The following EZH1 variants were observed in gnomAD, a reference collection of about 807,000 sequenced individuals.
EZH1 encodes the protein histone-lysine N-methyltransferase EZH1.
EZH1 carries 33 observed loss-of-function variants against 100.5 expected under a neutral mutation model. That is an observed-to-expected ratio of 0.33 (90% CI 0.25 to 0.44). The LOEUF (loss-of-function observed/expected upper bound fraction) is 0.44, where lower values mean the gene tolerates loss of function less well. Among genes scored for constraint, EZH1 ranks in the 20% least tolerant of loss-of-function variants. The probability of loss-of-function intolerance (pLI) is 1.00; values close to 1 mark genes in which losing one functional copy is unlikely to be tolerated. For synonymous variants in EZH1, 272 were observed against 313.8 expected (o/e 0.87, Z 1.41); for missense variants, 475 against 928.4 (o/e 0.51, Z 6.35).
chr17:42,741,066 C>G (rs1354420330), intron 1 of EZH1, among the ~76,000 whole-genome samples: 1 of 152,152 alleles, frequency 6.6e-6, no homozygotes, highest in Non-Finnish European at 1.5e-5. Flanking sequence ...CCCCTCAATC[C>G]CAACCTATCT....
chr17:42,708,764 A>C (rs765751600), intron 14 of EZH1, 112 bp downstream of exon 14: 4 of 1,146,912 alleles, frequency 3.5e-6, no homozygotes, highest in Non-Finnish European at 3.9e-6. Flanking sequence ...AGAATTCTGC[A>C]ATCTGCGGAA....
At chr17:42,743,496 C>T (rs1268876364) in intron 1 of EZH1, among the ~76,000 whole-genome samples, 4 of 148,596 alleles carry the variant, frequency 2.7e-5, no homozygotes, top group African/African-American at 1.0e-4. Flanking sequence ...GAGACAGGGT[C>T]TCAGGTGCTG....
Position 42,733,972 on chromosome 17 carries a change from G to A in EZH1, c.-102-3054C>T, listed in dbSNP as rs150297813. Among the ~76,000 whole-genome samples the A allele has an allele frequency of 7.5e-5, 11 of 146,924 alleles. 1 individual carries two copies. The East Asian group carries it at 1.4e-3, about 19-fold the overall frequency. On this transcript the variant is annotated intron_variant, in intron 1 of 20. Transcript: ENST00000428826. ...AAAAAAAAAAAAAAATCATCAGCAC[G>A]GACAAGAAAACAACAAAATTTAACC...
At chr17:42,704,273 T>C (rs879685574) in intron 18 of EZH1, among the ~76,000 whole-genome samples, 1 of 152,134 alleles carries the variant, frequency 6.6e-6, no homozygotes, top group Non-Finnish European at 1.5e-5. Flanking sequence ...GTGCGGTGGC[T>C]TACTCCTGTA....
intron 1 of EZH1, among the ~76,000 whole-genome samples, chr17:42,736,988 A>G (rs1473019054): frequency 6.9e-6 from 1 of 144,090 alleles, no homozygotes; most frequent in Non-Finnish European, 1.5e-5. Flanking sequence ...TAGCTTTACA[A>G]TTTTTTTTTT....
chr17:42,734,520 C>T (rs543726792), intron 1 of EZH1, among the ~76,000 whole-genome samples: 1 of 151,832 alleles, frequency 6.6e-6, no homozygotes, highest in South Asian at 2.1e-4. Flanking sequence ...AAAAATTACC[C>T]GGGCATGGTA....
At chr17:42,726,213 CT>C (rs1242560610) in intron 4 of EZH1, among the ~76,000 whole-genome samples, 156 of 88,524 alleles carry the variant, frequency 1.8e-3, no homozygotes, top group Middle Eastern at 0.011. Context: ...GAGACAGTCT[CT>C]TTTTTTTTTT....
chr17:42,741,475 G>C (rs935215992), intron 1 of EZH1, among the ~76,000 whole-genome samples: 6 of 152,296 alleles, frequency 3.9e-5, no homozygotes, highest in Admixed American at 1.3e-4. Flanking sequence ...CTCCCAAAGT[G>C]CTGGGATTAC....
intron 1 of EZH1, among the ~76,000 whole-genome samples, chr17:42,741,881 G>A (rs774962241): frequency 2.0e-5 from 3 of 151,766 alleles, no homozygotes; most frequent in Non-Finnish European, 4.4e-5. Context: ...TGTAGAGACA[G>A]AGTTTTGCCA....
rs1349278047 is a variant in EZH1 at position 42,727,732 on chromosome 17, T to C, written c.149A>G (p.Gln50Arg). The stretch of plus-strand genomic sequence containing the variant: ...TTCATTGAGGATCTGGGTTTTTTCT[T>C]GAACCTTTGCAAAATTTGCCACATA... ...ALYVANFAKV[Q>R]EKTQILNEEW... The change falls in exon 4 of 21, where the codon CAA (glutamine) becomes CGA (arginine). Residue 50 changes from glutamine to arginine, a missense_variant. Coordinates refer to ENST00000428826, the MANE Select transcript of EZH1 (RefSeq NM_001991.5). 1.2e-6 allele frequency: 2 copies of C among 1,605,688 alleles called. No homozygotes were observed. The highest frequency in any genetic ancestry group is 2.3e-5 in the East Asian group (1 of 44,172).
intron 2 of EZH1, 43 bp downstream of exon 2, chr17:42,730,785 C>G: frequency 8.5e-6 from 8 of 936,110 alleles, no homozygotes; most frequent in Non-Finnish European, 1.0e-5. Context: ...CGTGAGCCAC[C>G]GCGCCCGGCC....
intron 11 of EZH1, 148 bp from the exon 12 acceptor site, chr17:42,712,633 T>C: frequency 1.5e-5 from 12 of 826,570 alleles, no homozygotes; most frequent in Non-Finnish European, 5.5e-6. Context: ...CCAGGCATGG[T>C]GGCTCACGCC....
chr17:42,714,364 C>T, intron 10 of EZH1: 1 of 294,774 alleles, frequency 3.4e-6, no homozygotes, highest in Non-Finnish European at 6.8e-6. Context: ...ACTAGGCTGT[C>T]CTGAGCCCCT....
intron 1 of EZH1, 104 bp downstream of exon 1, chr17:42,744,907 C>G: frequency 8.4e-7 from 1 of 1,184,310 alleles, no homozygotes; most frequent in South Asian, 1.4e-5. Context: ...CCTCGGATTC[C>G]TTCCAATTTC....
intron 3 of EZH1, 149 bp downstream of exon 3, chr17:42,728,676 A>T: frequency 1.5e-6 from 1 of 666,288 alleles, no homozygotes; most frequent in Non-Finnish European, 2.3e-6. Context: ...TGCGAGGTGG[A>T]GCTTGCAGTA....
At chr17:42,726,909 G>T (rs1030797724) in intron 4 of EZH1, among the ~76,000 whole-genome samples, 1 of 151,908 alleles carries the variant, frequency 6.6e-6, no homozygotes, top group Admixed American at 6.6e-5. Context: ...GAGTGCAGTG[G>T]TGTGATCTTG....
intron 11 of EZH1, 126 bp downstream of exon 11, chr17:42,713,083 T>C (rs950667672): frequency 8.3e-6 from 7 of 843,264 alleles, no homozygotes; most frequent in African/African-American, 1.8e-5. Flanking sequence ...TCTTTACTGT[T>C]TACAAAACTT....
At chr17:42,711,226 C>T (rs1044873234) in intron 12 of EZH1, among the ~76,000 whole-genome samples, 9 of 151,724 alleles carry the variant, frequency 5.9e-5, no homozygotes, top group Non-Finnish European at 1.2e-4. Context: ...GTAATCCCAG[C>T]ACTTTGGGAG....
rs2053239386 is a variant in EZH1, at chr17:42,701,510, G to GA, written c.*1021dup. ...TCCAAACAGCAGGCACTACAGACAGGAAAGCAGATTACACCAATCTTTCTC... is the reference window on the plus strand; with the variant it reads ...TCCAAACAGCAGGCACTACAGACAGGAAAAGCAGATTACACCAATCTTTCTC... On this transcript the variant is annotated 3_prime_UTR_variant, in exon 21 of 21. Coordinates refer to ENST00000428826, the MANE Select transcript of EZH1 (RefSeq NM_001991.5). 6.5e-6 allele frequency: 1 copy of GA among 152,836 alleles called. No individual in the cohort carries two copies. Among genetic ancestry groups the GA allele is most frequent in the South Asian group, 2.1e-4 (1 of 4,832 alleles). 9.5% of individuals were successfully genotyped at this position (152,836 alleles called of 1,614,324 possible).
Sources: gnomAD v4.1 joint callset for allele counts (sites outside exome capture counted in the v4.1 genomes callset) on GRCh38, gnomAD v4.1.1 for gene constraint, MANE v1.5 for transcripts, NCBI Gene and HGNC (gene_info 2026-07-23, HGNC 2026-07-21) for gene names.